WWC2: variants seen among roughly 807,000 people sequenced by gnomAD.
WWC2 encodes the protein protein WWC2.
WWC2 carries 101 observed loss-of-function variants against 138.5 expected under a neutral mutation model. That is an observed-to-expected ratio of 0.73 (90% confidence interval 0.62 to 0.86). The LOEUF (loss-of-function observed/expected upper bound fraction) is 0.86. WWC2 is among the 40% of genes least tolerant of loss of function. WWC2 has a pLI of 0.00. For missense variants in WWC2, 1,420 were observed against 1,419.4 expected, an observed-to-expected ratio of 1.00 and a Z score of -0.01; for synonymous variants, 558 against 538.4, an observed-to-expected ratio of 1.04 and a Z score of -0.50.
intron 21 of WWC2, among the ~76,000 whole-genome samples, chr4:183,302,559 C>T (rs1738881467): frequency 8.2e-6 from 1 of 122,282 alleles, no homozygotes; most frequent in South Asian, 2.9e-4. Context: ...GAGGCAGCTT[C>T]TCAAAGCACT....
chr4:183,286,156 G>A, intron 20 of WWC2, 97 bp downstream of exon 20: 1 of 1,162,902 alleles, frequency 8.6e-7, no homozygotes, highest in Non-Finnish European at 1.2e-6. Flanking sequence ...GAATGTCAGT[G>A]CTCCATGCGC....
chr4:183,123,209 G>A (rs574549651), intron 1 of WWC2, among the ~76,000 whole-genome samples: 1 of 152,144 alleles, frequency 6.6e-6, no homozygotes, highest in Non-Finnish European at 1.5e-5. Context: ...TAAGTTCATT[G>A]TAGCTTAATT....
intron 4 of WWC2, among the ~76,000 whole-genome samples, chr4:183,228,154 C>G (rs1736127076): frequency 2.0e-5 from 3 of 152,068 alleles, no homozygotes; most frequent in Admixed American, 1.3e-4. Flanking sequence ...CAGAAAAACG[C>G]TGGTATACAC....
Position 183,208,029 on chromosome 4 carries a change from G to A in WWC2, c.318G>A (p.Val106=), listed in dbSNP as rs1449949737. 3.7e-6 allele frequency: 6 copies of A among 1,613,724 alleles called. No homozygotes were observed. The highest frequency in any genetic ancestry group is 5.1e-6 in the Non-Finnish European group (6 of 1,179,806). ...AGATGCTCAAGGACTACCTCTCTGT[G>A]GCACAGGATGCCCTCCGGACACAGA... The part of the protein sequence containing the change: ...QEKMLKDYLS[V]AQDALRTQKE... The change falls in exon 3 of 23, where the codon GTG becomes GTA. Residue 106 remains valine (V), a synonymous_variant. Coordinates refer to ENST00000403733, the MANE Select transcript of WWC2 (RefSeq NM_024949.6).
intron 1 of WWC2, among the ~76,000 whole-genome samples, chr4:183,150,050 C>G (rs1487634165): frequency 6.6e-6 from 1 of 152,016 alleles, no homozygotes; most frequent in Non-Finnish European, 1.5e-5. Context: ...CTGAACATAC[C>G]TAGAAAGGGC....
intron 1 of WWC2, among the ~76,000 whole-genome samples, 161 bp downstream of exon 1, chr4:183,099,783 C>G (rs889335279): frequency 1.3e-5 from 2 of 151,864 alleles, no homozygotes; most frequent in Non-Finnish European, 2.9e-5. Context: ...AGGAGCCGCC[C>G]GTACCCGGGC....
At chr4:183,192,988 G>C (rs888478087) in intron 1 of WWC2, among the ~76,000 whole-genome samples, 3 of 152,192 alleles carry the variant, frequency 2.0e-5, no homozygotes, top group African/African-American at 4.8e-5. Flanking sequence ...TTAAGAGAGA[G>C]TATAAAGCAA....
intron 8 of WWC2, among the ~76,000 whole-genome samples, chr4:183,252,829 C>G (rs768434405): frequency 3.9e-5 from 6 of 152,138 alleles, no homozygotes; most frequent in Non-Finnish European, 8.8e-5. Flanking sequence ...GGGAGAAGGC[C>G]AAGCCCTGCC....
intron 1 of WWC2, among the ~76,000 whole-genome samples, chr4:183,102,593 C>A (rs995850556): frequency 6.6e-6 from 1 of 152,168 alleles, no homozygotes; most frequent in African/African-American, 2.4e-5. Context: ...ATTGTCTCGA[C>A]GCTTGCGCAT....
intron 1 of WWC2, among the ~76,000 whole-genome samples, chr4:183,114,497 A>C (rs963692513): frequency 1.3e-5 from 2 of 152,170 alleles, no homozygotes; most frequent in Non-Finnish European, 2.9e-5. Flanking sequence ...TCAGAGCTAG[A>C]GATACTAAAT....
intron 4 of WWC2, among the ~76,000 whole-genome samples, chr4:183,237,965 C>A (rs150711325): frequency 6.6e-6 from 1 of 152,084 alleles, no homozygotes; most frequent in African/African-American, 2.4e-5. Context: ...CGCTTGCTCT[C>A]GAACACTCTT....
chr4:183,164,353 TATAC>T (rs1489070713), intron 1 of WWC2, among the ~76,000 whole-genome samples: 3 of 324 alleles, frequency 9.3e-3, no homozygotes, highest in African/African-American at 9.2e-3. Context: ...ATATATTATA[TATAC>T]ATATATATAT....
intron 15 of WWC2, chr4:183,269,392 CT>C: frequency 1.5e-6 from 1 of 666,514 alleles, no homozygotes; most frequent in South Asian, 1.5e-5. Flanking sequence ...GTAAAAGTTG[CT>C]TTCTATTTCT....
intron 1 of WWC2, among the ~76,000 whole-genome samples, chr4:183,123,589 G>T (rs1314530788): frequency 2.6e-5 from 4 of 152,136 alleles, no homozygotes; most frequent in Non-Finnish European, 5.9e-5. Flanking sequence ...GGTCTATCCT[G>T]AAAGATATCT....
chr4:183,273,627 A>G (rs1580135764), intron 16 of WWC2, among the ~76,000 whole-genome samples: 1 of 152,146 alleles, frequency 6.6e-6, no homozygotes, highest in Admixed American at 6.5e-5. Flanking sequence ...TTATTGACTT[A>G]TAAGAGTTCC....
In WWC2 at chr4:183,131,559, G is replaced by T. The variant is rs7670933; in HGVS notation, c.131+31937G>T. Among the ~76,000 whole-genome samples the T allele has an allele frequency of 1.4e-3, 209 of 152,134 alleles. 1 individual carries two copies. Among genetic ancestry groups the T allele is most frequent in the African/African-American group, 4.9e-3 (203 of 41,508 alleles). Reference sequence around the variant, plus strand: ...TTGGTTTGTTAATCTTTTATTGATTGTTACAAGTTCCTTAAGTATTTTAGA... The same window carrying T: ...TTGGTTTGTTAATCTTTTATTGATTTTTACAAGTTCCTTAAGTATTTTAGA... On this transcript the variant is annotated intron_variant, in intron 1 of 22. Transcript: ENST00000403733.
chr4:183,198,969 A>G lies in WWC2; in HGVS notation c.241+5261A>G, dbSNP rs139542336. Among the ~76,000 whole-genome samples the G allele has an allele frequency of 5.1e-3, 780 of 152,248 alleles. 12 individuals are homozygous for G. Among genetic ancestry groups the G allele is most frequent in the African/African-American group, 0.018 (729 of 41,516 alleles). On this transcript the variant is annotated intron_variant, in intron 2 of 22. Transcript: ENST00000403733. The stretch of plus-strand genomic sequence containing the variant: ...TGAGAATGTGTAGTGAAATAAGGAA[A>G]GGACCACCACCATGCCAGGAGAAGA...
At chr4:183,264,832 A>G (rs1399276422) in intron 11 of WWC2, 146 bp from the exon 12 acceptor site, 2 of 833,756 alleles carry the variant, frequency 2.4e-6, no homozygotes, top group East Asian at 3.3e-5. Context: ...TGAGTTGTTT[A>G]CAGCTGTAGA....
At position 183,269,534 on chromosome 4, in the gene WWC2, A is replaced by G. The variant is rs889274411; in HGVS notation, c.2400+371A>G. 15 of 479,322 alleles carry G rather than the reference A, an allele frequency of 3.1e-5. No individual in the cohort carries two copies. In the Admixed American group the frequency reaches 3.5e-4, roughly 11 times the overall value. The allele number at this position is 479,322 out of a possible 1,614,324, so 29.7% of individuals were successfully genotyped here. A position where few individuals can be genotyped will look rare whatever the true frequency, so the allele number is the denominator to read the frequency against. On this transcript the variant is annotated intron_variant, in intron 15 of 22. Transcript: ENST00000403733. ...TATTATCTCATTTAATCCTCATGAC[A>G]ACCTGATGAAAGATTGGTTATGAAA...
Sources: gnomAD v4.1 joint callset for allele counts (sites outside exome capture counted in the v4.1 genomes callset) on GRCh38, gnomAD v4.1.1 for gene constraint, MANE v1.5 for transcripts, NCBI Gene and HGNC (gene_info 2026-07-23, HGNC 2026-07-21) for gene names.